ABTB3: variants seen among roughly 807,000 people sequenced by gnomAD.
The protein encoded by ABTB3 is ankyrin repeat and BTB domain containing 3.
chr12:107,391,846 C>T, the ABTB3 span, among the ~76,000 whole-genome samples: 7 of 152,060 alleles, frequency 4.6e-5, no homozygotes, highest in South Asian at 2.1e-4. Flanking sequence ...TATGTGTATG[C>T]GTGTGTATGT....
At chr12:107,323,192 C>G in the ABTB3 span, among the ~76,000 whole-genome samples, 1 of 152,172 alleles carries the variant, frequency 6.6e-6, no homozygotes, top group Non-Finnish European at 1.5e-5. Flanking sequence ...GTTGCCCAGG[C>G]TGGCCTTGAA....
chr12:107,491,664 AAC>A, the ABTB3 span, among the ~76,000 whole-genome samples: 217 of 152,252 alleles, frequency 1.4e-3, 1 homozygote, highest in African/African-American at 5.0e-3. Context: ...CTCTACTAAA[AAC>A]ACAAAAATTA....
chr12:107,419,574 C>CT, the ABTB3 span, among the ~76,000 whole-genome samples: 16 of 152,172 alleles, frequency 1.1e-4, no homozygotes, highest in Non-Finnish European at 2.1e-4. Context: ...GTTTGGAGCA[C>CT]TTTGTCTACA....
At chr12:107,595,421 G>C in the ABTB3 span, among the ~76,000 whole-genome samples, 1 of 152,190 alleles carries the variant, frequency 6.6e-6, no homozygotes. Context: ...TGGGAAGCAG[G>C]CCTTGCTGGC....
At chr12:107,372,259 T>C in the ABTB3 span, among the ~76,000 whole-genome samples, 2 of 152,308 alleles carry the variant, frequency 1.3e-5, no homozygotes, top group Middle Eastern at 3.4e-3. Flanking sequence ...GGACCAGCGT[T>C]AGGTCTTGCA....
chr12:107,436,066 C>T, the ABTB3 span, among the ~76,000 whole-genome samples: 1 of 152,208 alleles, frequency 6.6e-6, no homozygotes, highest in Non-Finnish European at 1.5e-5. Flanking sequence ...TCCAGGGCAC[C>T]CTCCTCAAAA....
the ABTB3 span, among the ~76,000 whole-genome samples, chr12:107,530,686 CT>C: frequency 4.8e-4 from 73 of 152,306 alleles, no homozygotes; most frequent in Middle Eastern, 3.4e-3. Flanking sequence ...TCTTTAACGG[CT>C]GCAAAAGTTT....
chr12:107,651,827 G>A, the ABTB3 span: 48 of 1,550,706 alleles, frequency 3.1e-5, no homozygotes, highest in South Asian at 3.5e-4. Context: ...ACACAGGAGC[G>A]CTGAAGCCGG....
chr12:107,407,835 T>C, the ABTB3 span, among the ~76,000 whole-genome samples: 1 of 152,156 alleles, frequency 6.6e-6, no homozygotes. Context: ...TTTTCAGCTC[T>C]ACCAGCTCTC....
At chr12:107,386,034 T>TTC in the ABTB3 span, among the ~76,000 whole-genome samples, 5 of 32,274 alleles carry the variant, frequency 1.5e-4, no homozygotes, top group Admixed American at 1.6e-3. Flanking sequence ...GTTCTCTGGG[T>TTC]TAGTTCCTCA....
the ABTB3 span, among the ~76,000 whole-genome samples, chr12:107,583,841 C>G: frequency 2.0e-5 from 3 of 152,134 alleles, no homozygotes; most frequent in African/African-American, 7.2e-5. Flanking sequence ...TCCTCTGAGT[C>G]CCTGGGCTCT....
the ABTB3 span, among the ~76,000 whole-genome samples, chr12:107,343,727 G>A: frequency 2.0e-5 from 3 of 152,134 alleles, no homozygotes; most frequent in South Asian, 2.1e-4. Flanking sequence ...TGCATGGCTC[G>A]GGAGGCCTCA....
the ABTB3 span, among the ~76,000 whole-genome samples, chr12:107,367,318 T>C: frequency 1.3e-5 from 2 of 152,172 alleles, no homozygotes; most frequent in Non-Finnish European, 2.9e-5. Flanking sequence ...CTGATTGGCA[T>C]GAAGAGTTTA....
chr12:107,486,663 T>C, the ABTB3 span: 2 of 149,362 alleles, frequency 1.3e-5, no homozygotes, highest in Non-Finnish European at 3.0e-5. Flanking sequence ...TGAGAGACCT[T>C]CTAGTAGCTA....
At chr12:107,375,444 ATCATC>A in the ABTB3 span, among the ~76,000 whole-genome samples, 2 of 151,512 alleles carry the variant, frequency 1.3e-5, no homozygotes, top group Non-Finnish European at 2.9e-5. Context: ...CATCATCATC[ATCATC>A]ATCATCATCA....
chr12:107,616,312 A>C, the ABTB3 span, among the ~76,000 whole-genome samples: 278 of 152,310 alleles, frequency 1.8e-3, 3 homozygotes, highest in East Asian at 0.027. Context: ...CGGAGTGCCA[A>C]GTAGGTGGCT....
the ABTB3 span, chr12:107,581,052 G>T: frequency 1.3e-6 from 2 of 1,549,070 alleles, no homozygotes; most frequent in Non-Finnish European, 1.7e-6. Flanking sequence ...GGAGTCGGGA[G>T]ATGGGGGGAT....
At chr12:107,473,257 A>G in the ABTB3 span, among the ~76,000 whole-genome samples, 2 of 152,162 alleles carry the variant, frequency 1.3e-5, no homozygotes, top group Non-Finnish European at 2.9e-5. Context: ...CAGGCCTCGG[A>G]TTAAGAATTC....
At chr12:107,575,265 A>G in the ABTB3 span, among the ~76,000 whole-genome samples, 1 of 152,288 alleles carries the variant, frequency 6.6e-6, no homozygotes, top group Non-Finnish European at 1.5e-5. Context: ...ACATCCCTCT[A>G]TGTCGCTCTG....
Sources: gnomAD v4.1 joint callset for allele counts (sites outside exome capture counted in the v4.1 genomes callset) on GRCh38, gnomAD v4.1.1 for gene constraint, MANE v1.5 for transcripts, NCBI Gene and HGNC (gene_info 2026-07-23, HGNC 2026-07-21) for gene names.